Variants in SBF2 observed in about 807,000 individuals in gnomAD.
The protein encoded by SBF2 is SET binding factor 2.
Under a neutral mutation model 225.2 loss-of-function variants are expected in SBF2, and 112 were observed. The observed-to-expected ratio is 0.50, with a 90% CI of 0.43 to 0.58. The LOEUF (loss-of-function observed/expected upper bound fraction) is 0.58. Among genes scored for constraint, SBF2 ranks in the 20% least tolerant of loss-of-function variants. The pLI is 0.00. For synonymous variants in SBF2, 763 were observed against 773.3 expected (o/e 0.99, Z 0.22); for missense variants, 1,996 against 2,206.2 (o/e 0.90, Z 1.91).
chr11:9,942,899 GAGAGAAAGAAAGAAAGAA>G (rs1298500170), intron 16 of SBF2, among the ~76,000 whole-genome samples: 22 of 60,608 alleles, frequency 3.6e-4, no homozygotes, highest in Non-Finnish European at 6.5e-4. Flanking sequence ...GAAAGAGAGA[GAGAGAAAGAAAGAAAGAA>G]AGAAAGAAAG....
chr11:10,211,117 A>G (rs541003956), intron 1 of SBF2, among the ~76,000 whole-genome samples: 137 of 150,714 alleles, frequency 9.1e-4, no homozygotes, highest in African/African-American at 3.1e-3. Flanking sequence ...TTATTTGACA[A>G]TGTAACACTG....
chr11:10,232,692 C>T (rs1275339565), intron 1 of SBF2, among the ~76,000 whole-genome samples: 1 of 151,676 alleles, frequency 6.6e-6, no homozygotes, highest in Non-Finnish European at 1.5e-5. Context: ...GCCTCCTGAG[C>T]AGCTGGGACT....
intron 6 of SBF2, among the ~76,000 whole-genome samples, chr11:10,019,595 C>A (rs1181265664): frequency 2.7e-5 from 4 of 150,198 alleles, no homozygotes; most frequent in Non-Finnish European, 4.4e-5. Context: ...TGGGACAGAC[C>A]CTTATGACAA....
intron 2 of SBF2, among the ~76,000 whole-genome samples, chr11:10,063,239 T>C (rs1472027413): frequency 6.6e-6 from 1 of 151,912 alleles, no homozygotes; most frequent in Non-Finnish European, 1.5e-5. Context: ...AATAACTTGG[T>C]AATGTAATAA....
At chr11:10,231,359 G>A (rs917438626) in intron 1 of SBF2, among the ~76,000 whole-genome samples, 10 of 152,186 alleles carry the variant, frequency 6.6e-5, no homozygotes, top group Non-Finnish European at 8.8e-5. Context: ...GAGGAGCTGC[G>A]TTCCTTTGGA....
intron 32 of SBF2, among the ~76,000 whole-genome samples, chr11:9,805,150 G>GT (rs1853728687): frequency 6.6e-6 from 1 of 151,952 alleles, no homozygotes; most frequent in Non-Finnish European, 1.5e-5. Context: ...GGAGGCCAAG[G>GT]TGGGAAGACT....
chr11:10,051,301 C>T lies in SBF2; in HGVS notation c.142-8320G>A, dbSNP rs373329509. The stretch of plus-strand genomic sequence containing the variant: ...ATAGAAAATAATAAACATATAACAT[C>T]GAGAAAAAGAATGTGAGAGTTTAGA... On this transcript the variant is annotated intron_variant, in intron 2 of 39. Coordinates refer to ENST00000256190, the MANE Select transcript of SBF2 (RefSeq NM_030962.4). Among the ~76,000 whole-genome samples the T allele has an allele frequency of 9.2e-5, 14 of 152,086 alleles. No homozygotes were observed. The South Asian group carries it at 2.5e-3, about 27-fold the overall frequency.
At chr11:9,852,559 A>C (rs1857033244) in intron 21 of SBF2, 117 bp downstream of exon 21, 1 of 783,086 alleles carries the variant, frequency 1.3e-6, no homozygotes, top group Admixed American at 1.8e-5. Context: ...CATATCATTA[A>C]AACTGGAGTT....
chr11:10,139,292 G>A (rs1463947508), intron 2 of SBF2, among the ~76,000 whole-genome samples: 3 of 152,230 alleles, frequency 2.0e-5, no homozygotes, highest in East Asian at 3.9e-4. Context: ...CTAGGGGATC[G>A]TAAACCAGGC....
chr11:9,819,286 T>C (rs1232547203), intron 28 of SBF2: 1 of 152,218 alleles, frequency 6.6e-6, no homozygotes, highest in Non-Finnish European at 1.5e-5. Context: ...GTAAAACATT[T>C]ATCTCTGTAC....
chr11:9,840,180 G>A (rs755381253), intron 25 of SBF2, among the ~76,000 whole-genome samples: 4 of 151,736 alleles, frequency 2.6e-5, no homozygotes, highest in Non-Finnish European at 5.9e-5. Flanking sequence ...GTTGCAGTGA[G>A]CTGAGACCGT....
chr11:10,031,101 C>G lies in SBF2; in HGVS notation c.349G>C (p.Ala117Pro), dbSNP rs201036502. 1.2e-6 allele frequency: 2 copies of G among 1,613,512 alleles called. No homozygotes were observed. The highest frequency in any genetic ancestry group is 2.2e-5 in the South Asian group (2 of 91,060). The change falls in exon 4 of 40, where the codon GCT (alanine) becomes CCT (proline). Residue 117 changes from alanine to proline, a missense_variant. Transcript: ENST00000256190. ...GATACCAACACCAGGCTTTTGGGAG[C>G]AAACACTTCTGCAGGCTGAATTAAA... ...SGLIQPAEVF[A>P]PKSLVLVSRL...
intron 16 of SBF2, among the ~76,000 whole-genome samples, chr11:9,931,395 C>A (rs536225581): frequency 7.2e-5 from 11 of 152,166 alleles, no homozygotes; most frequent in African/African-American, 1.9e-4. Flanking sequence ...CCCTCTGGGA[C>A]GAAGCTTTCA....
intron 1 of SBF2, among the ~76,000 whole-genome samples, chr11:10,287,195 G>A (rs1963852568): frequency 6.6e-6 from 1 of 152,206 alleles, no homozygotes; most frequent in South Asian, 2.1e-4. Flanking sequence ...AAACAGATCA[G>A]TGACTGCCAG....
chr11:10,079,513 C>A (rs1001306857), intron 2 of SBF2, among the ~76,000 whole-genome samples: 4 of 152,104 alleles, frequency 2.6e-5, no homozygotes, highest in Admixed American at 2.6e-4. Flanking sequence ...AAACTGAAGA[C>A]AGGTCTTTCA....
intron 1 of SBF2, among the ~76,000 whole-genome samples, chr11:10,299,384 T>C (rs1054906866): frequency 6.7e-6 from 1 of 148,734 alleles, no homozygotes; most frequent in Non-Finnish European, 1.5e-5. Flanking sequence ...TTGCGGTCCA[T>C]GTGTGATGAG....
intron 30 of SBF2, 84 bp downstream of exon 30, chr11:9,812,448 T>C: frequency 1.4e-6 from 2 of 1,462,424 alleles, no homozygotes; most frequent in Non-Finnish European, 1.9e-6. Context: ...AACAAAGTAT[T>C]TTTTTTCTCA....
At chr11:9,907,842 T>C (rs1189924643) in intron 16 of SBF2, among the ~76,000 whole-genome samples, 3 of 152,254 alleles carry the variant, frequency 2.0e-5, no homozygotes, top group African/African-American at 7.2e-5. Flanking sequence ...TTTCATTTAA[T>C]CTTCACAACA....
intron 16 of SBF2, chr11:9,928,952 G>A (rs1311590381): frequency 4.4e-6 from 2 of 450,268 alleles, no homozygotes; most frequent in Non-Finnish European, 8.5e-6. Context: ...AGTTCAAAAC[G>A]GGTCATAAAG....
Sources: allele counts gnomAD v4.1 joint callset (sites outside exome capture counted in the v4.1 genomes callset), GRCh38; gene constraint gnomAD v4.1.1; transcripts MANE v1.5; gene names NCBI Gene and HGNC (gene_info 2026-07-23, HGNC 2026-07-21).